Variants in RPL31 observed in about 807,000 individuals in gnomAD.
RPL31 encodes ribosomal protein L31.
For missense variants in RPL31, 95 were observed against 164.0 expected (o/e 0.58, Z 2.30); for synonymous variants, 51 against 55.0 (o/e 0.93, Z 0.32).
rs1678581523 is a variant in RPL31, at chr2:101,002,576, C to T, written c.1-126C>T. On this transcript the variant is annotated intron_variant, in intron 1 of 4. Coordinates refer to ENST00000264258, the MANE Select transcript of RPL31 (RefSeq NM_000993.5). ...GCGGGTGCGTGGGCCACTGGGTGAC[C>T]GACTTAGCCTGGCCAGACTCTCAGC... The T allele has an allele frequency of 1.3e-5, 10 of 767,874 alleles. No individual in the cohort carries two copies. The Admixed American group carries it at 2.2e-4, about 17-fold the overall frequency. The allele number at this position is 767,874 out of a possible 1,614,324, so 47.6% of individuals were successfully genotyped here. A position where few individuals can be genotyped will look rare whatever the true frequency, so the allele number is the denominator to read the frequency against.
chr2:101,003,745 A>G (rs1297675252), intron 2 of RPL31, among the ~76,000 whole-genome samples: 1 of 152,236 alleles, frequency 6.6e-6, no homozygotes, highest in Non-Finnish European at 1.5e-5. Context: ...TTAAGCATAG[A>G]TGAAGTCAAT....
chr2:101,002,666 A>C, intron 1 of RPL31, 36 bp from the exon 2 acceptor site: 1 of 1,548,502 alleles, frequency 6.5e-7, no homozygotes, highest in Non-Finnish European at 8.9e-7. Flanking sequence ...GAGCTTGTTA[A>C]ACTCTGCTCT....
downstream of RPL31, chr2:101,007,914 G>T: frequency 6.2e-7 from 1 of 1,614,012 alleles, no homozygotes; most frequent in South Asian, 1.1e-5. Context: ...TTTCAAGTTT[G>T]GATTTCATGT....
At chr2:101,004,314 CTT>C in intron 3 of RPL31, 31 bp downstream of exon 3, 1 of 1,611,690 alleles carries the variant, frequency 6.2e-7, no homozygotes, top group Non-Finnish European at 8.5e-7. Flanking sequence ...CGAAGGTGAA[CTT>C]TTGCAATGAC....
At chr2:101,015,429 C>T (rs920212197) in intron 4 of RPL31, among the ~76,000 whole-genome samples, 1 of 152,246 alleles carries the variant, frequency 6.6e-6, no homozygotes, top group East Asian at 1.9e-4. Context: ...TCTTCTTCAT[C>T]TTCAATAATA....
At chr2:101,002,373 T>C (rs1210340371) in intron 1 of RPL31, 58 bp downstream of exon 1, 1 of 288,146 alleles carries the variant, frequency 3.5e-6, no homozygotes, top group Non-Finnish European at 6.6e-6. Context: ...TCCTTTGGGA[T>C]TGTGCTAACT....
At chr2:101,003,523 A>G (rs1440790703) in intron 2 of RPL31, among the ~76,000 whole-genome samples, 1 of 152,160 alleles carries the variant, frequency 6.6e-6, no homozygotes, top group Non-Finnish European at 1.5e-5. Flanking sequence ...TCTCTGTAGT[A>G]CTAGATACCA....
chr2:101,011,400 C>A (rs375976446), downstream of RPL31: 5 of 1,573,930 alleles, frequency 3.2e-6, no homozygotes, highest in Non-Finnish European at 4.4e-6. Flanking sequence ...CGGTGCCTCC[C>A]GCCACTGCAG....
chr2:101,009,002 T>G (rs1678967247), downstream of RPL31, among the ~76,000 whole-genome samples: 2 of 152,310 alleles, frequency 1.3e-5, no homozygotes, highest in South Asian at 4.1e-4. Context: ...GTTTTCTCAG[T>G]GTAATCTGAG....
intron 3 of RPL31, 32 bp downstream of exon 3, chr2:101,004,315 T>A (rs1294154629): frequency 6.2e-7 from 1 of 1,611,942 alleles, no homozygotes; most frequent in Middle Eastern, 1.7e-4. Flanking sequence ...GAAGGTGAAC[T>A]TTTGCAATGA....
At chr2:101,016,280 T>C (rs1229916107) in intron 4 of RPL31, among the ~76,000 whole-genome samples, 6 of 152,076 alleles carry the variant, frequency 3.9e-5, no homozygotes, top group Non-Finnish European at 8.8e-5. Context: ...AACAGACACT[T>C]CTCAAAAGAA....
downstream of RPL31, among the ~76,000 whole-genome samples, chr2:101,011,880 CAT>C (rs1462863060): frequency 5.3e-5 from 8 of 152,268 alleles, no homozygotes; most frequent in Admixed American, 3.9e-4. Context: ...TCCATGCACA[CAT>C]AAAGTACTCT....
downstream of RPL31, chr2:101,007,987 T>A (rs1558961791): frequency 2.5e-6 from 4 of 1,614,034 alleles, no homozygotes; most frequent in Non-Finnish European, 3.4e-6. Flanking sequence ...TAAAATATGT[T>A]CAAGGGAGAC....
At chr2:101,010,820 T>C (rs1299899901), downstream of RPL31, 7 of 820,024 alleles carry the variant, frequency 8.5e-6, no homozygotes, top group Non-Finnish European at 1.3e-5. Flanking sequence ...AGGTGGAGGT[T>C]GCAGTGGGCT....
At position 101,005,977 on chromosome 2, in the gene RPL31, C is replaced by T. The variant is rs138783248; in HGVS notation, c.252C>T (p.Ile84=). The change falls in exon 4 of 5, where the codon ATC becomes ATT. Residue 84 remains isoleucine, a synonymous_variant. Coordinates refer to ENST00000264258, the MANE Select transcript of RPL31 (RefSeq NM_000993.5). ...AKGIRNVPYR[I]RVRLSRKRNE... is the part of the protein sequence containing the mutation. The stretch of plus-strand genomic sequence containing the variant: ...TTATTAGGAATGTGCCATACCGAAT[C>T]CGTGTGCGGCTGTCCAGAAAACGTA... The T allele has an allele frequency of 1.1e-3, 1,713 of 1,612,598 alleles. No individual in the cohort carries two copies. Among genetic ancestry groups the T allele is most frequent in the Middle Eastern group, 2.1e-3 (11 of 5,202 alleles).
Position 101,004,242 on chromosome 2 carries a change from T to C in RPL31, c.192T>C (p.Ile64=), listed in dbSNP as rs553511841. Residue 64 remains isoleucine, a synonymous_variant, in exon 3 of 5, where the codon ATT becomes ATC. Transcript: ENST00000264258. ...MKEMGTPDVR[I]DTRLNKAVWA... ...AGATGGGAACTCCAGATGTGCGCAT[T>C]GACACCAGGCTCAACAAAGCTGTCT... 5.3e-5 allele frequency: 85 copies of C among 1,614,144 alleles called. 2 individuals carry two copies. In the South Asian group the frequency reaches 7.7e-4, roughly 15 times the overall value.
chr2:101,006,388 A>C lies in RPL31; in HGVS notation c.*7A>C. 6.2e-7 allele frequency: 1 copy of C among 1,607,808 alleles called. No individual in the cohort carries two copies. Among genetic ancestry groups the C allele is most frequent in the Non-Finnish European group, 8.5e-7 (1 of 1,178,536 alleles). ...CAATGTGGATGAGAACTAATCGCTG[A>C]TCGTCAGATCAAATAAAGTTATAAA... On this transcript the variant is annotated 3_prime_UTR_variant, in exon 5 of 5. Coordinates refer to ENST00000264258, the MANE Select transcript of RPL31 (RefSeq NM_000993.5).
chr2:101,012,591 T>G (rs909389513), intron 4 of RPL31, among the ~76,000 whole-genome samples: 10 of 150,006 alleles, frequency 6.7e-5, no homozygotes, highest in Non-Finnish European at 1.5e-4. Flanking sequence ...GGTCTAAAAT[T>G]GATTGTGGTG....
At chr2:101,007,962 A>G (rs1053486884), downstream of RPL31, 1 of 1,614,074 alleles carries the variant, frequency 6.2e-7, no homozygotes. Context: ...ATGACTGTTC[A>G]GTCAGAAGTG....
Sources: gnomAD v4.1 joint callset for allele counts (sites outside exome capture counted in the v4.1 genomes callset) on GRCh38, gnomAD v4.1.1 for gene constraint, MANE v1.5 for transcripts, NCBI Gene and HGNC (gene_info 2026-07-23, HGNC 2026-07-21) for gene names.